Variants in TENM2 observed in about 807,000 individuals in gnomAD.
TENM2 encodes the protein teneurin transmembrane protein 2, also known as teneurin-2.
TENM2 carries 52 observed loss-of-function variants against 245.2 expected under a neutral mutation model. That is an observed-to-expected ratio of 0.21 (90% CI 0.17 to 0.27). The LOEUF (loss-of-function observed/expected upper bound fraction) is 0.27. TENM2 is among the 10% of genes least tolerant of loss of function. The pLI is 1.00. For synonymous variants in TENM2, 1,363 were observed against 1,438.9 expected, an observed-to-expected ratio of 0.95 and a Z score of 1.19; for missense variants, 3,046 against 3,666.8, an observed-to-expected ratio of 0.83 and a Z score of 4.37.
At chr5:168,214,382 A>G (rs1763015745) in intron 20 of TENM2, among the ~76,000 whole-genome samples, 2 of 152,220 alleles carry the variant, frequency 1.3e-5, no homozygotes, top group South Asian at 4.1e-4. Flanking sequence ...ACTGTTACCT[A>G]GATTTGAAAA....
chr5:167,554,332 C>T (rs897832387), intron 2 of TENM2, among the ~76,000 whole-genome samples: 2 of 152,188 alleles, frequency 1.3e-5, no homozygotes, highest in African/African-American at 4.8e-5. Flanking sequence ...CTTGGAAAGA[C>T]TTGAGCATAT....
chr5:167,211,001 A>G, the TENM2 span, among the ~76,000 whole-genome samples: 1 of 152,166 alleles, frequency 6.6e-6, no homozygotes, highest in African/African-American at 2.4e-5. Flanking sequence ...GAAGTGATGG[A>G]CGCACAAATA....
intron 2 of TENM2, among the ~76,000 whole-genome samples, chr5:167,577,971 G>C (rs2127674736): frequency 6.6e-6 from 1 of 152,330 alleles, no homozygotes; most frequent in South Asian, 2.1e-4. Context: ...GGGGTGAAAT[G>C]TGAAAACACA....
At chr5:167,786,237 C>G (rs558296506) in intron 2 of TENM2, among the ~76,000 whole-genome samples, 1 of 152,298 alleles carries the variant, frequency 6.6e-6, no homozygotes, top group Admixed American at 6.5e-5. Flanking sequence ...ACAGGATTCT[C>G]TCTCTCACAA....
the TENM2 span, among the ~76,000 whole-genome samples, chr5:167,047,955 A>AAAC: frequency 6.6e-6 from 1 of 151,502 alleles, no homozygotes; most frequent in African/African-American, 2.4e-5. Context: ...CCCTATAGCA[A>AAAC]AAACAAACAA....
chr5:168,032,487 G>A (rs2151958981), intron 5 of TENM2, among the ~76,000 whole-genome samples: 1 of 152,260 alleles, frequency 6.6e-6, no homozygotes, highest in East Asian at 1.9e-4. Context: ...AGGGGAGGAG[G>A]TTAGGACTCT....
chr5:167,850,950 G>A (rs1770525141), intron 2 of TENM2, among the ~76,000 whole-genome samples: 1 of 152,142 alleles, frequency 6.6e-6, no homozygotes, highest in South Asian at 2.1e-4. Flanking sequence ...GTTCATTCAC[G>A]AAGCTGTAAT....
chr5:167,911,128 T>C (rs1776511558), intron 3 of TENM2, among the ~76,000 whole-genome samples: 1 of 152,188 alleles, frequency 6.6e-6, no homozygotes, highest in South Asian at 2.1e-4. Flanking sequence ...AATCATATCA[T>C]GTTTTACTTG....
the TENM2 span, among the ~76,000 whole-genome samples, chr5:167,179,525 C>T: frequency 6.6e-6 from 1 of 152,094 alleles, no homozygotes; most frequent in African/African-American, 2.4e-5. Flanking sequence ...ACACTGTAGG[C>T]ATTTTTCCCC....
intron 27 of TENM2, among the ~76,000 whole-genome samples, chr5:168,254,948 G>A (rs1037093506): frequency 6.6e-6 from 1 of 151,996 alleles, no homozygotes; most frequent in African/African-American, 2.4e-5. Context: ...TAGAGAAGCT[G>A]AGGCAGGAGA....
chr5:167,648,904 G>A (rs1780153463), intron 2 of TENM2, among the ~76,000 whole-genome samples: 1 of 152,122 alleles, frequency 6.6e-6, no homozygotes, highest in Non-Finnish European at 1.5e-5. Flanking sequence ...AAATGAGAAG[G>A]GCTCGGTCTG....
chr5:168,068,313 G>A (rs1790681393), intron 7 of TENM2, among the ~76,000 whole-genome samples: 2 of 152,098 alleles, frequency 1.3e-5, no homozygotes, highest in South Asian at 2.1e-4. Context: ...GAGTTCAGAC[G>A]GGCAGCACCA....
At chr5:167,577,151 A>G (rs1022671193) in intron 2 of TENM2, among the ~76,000 whole-genome samples, 3 of 152,174 alleles carry the variant, frequency 2.0e-5, no homozygotes, top group Admixed American at 6.5e-5. Context: ...AACTGATGCA[A>G]TTTCAGGACC....
At chr5:167,893,111 A>G (rs1030276624) in intron 3 of TENM2, among the ~76,000 whole-genome samples, 3 of 152,146 alleles carry the variant, frequency 2.0e-5, no homozygotes, top group East Asian at 1.9e-4. Flanking sequence ...TTTATTCTTC[A>G]TCGGCACCTC....
At chr5:167,046,444 TTACCATCCAAAAA>T in the TENM2 span, among the ~76,000 whole-genome samples, 1 of 152,164 alleles carries the variant, frequency 6.6e-6, no homozygotes, top group Admixed American at 6.5e-5. Flanking sequence ...TTACTGAAAA[TTACCATCCAAAAA>T]TGGAACGGGA....
chr5:167,988,593 C>T (rs914114293), intron 4 of TENM2, among the ~76,000 whole-genome samples: 21 of 152,086 alleles, frequency 1.4e-4, no homozygotes, highest in African/African-American at 4.3e-4. Context: ...TGCAAAGGCC[C>T]GGAGGCAAGA....
intron 2 of TENM2, among the ~76,000 whole-genome samples, chr5:167,425,558 A>C (rs1359396329): frequency 1.3e-5 from 2 of 152,092 alleles, no homozygotes; most frequent in Non-Finnish European, 2.9e-5. Context: ...GCATTCTTGT[A>C]TTTTCCTCTT....
chr5:167,764,220 C>A (rs969647819), intron 2 of TENM2, among the ~76,000 whole-genome samples: 1 of 152,134 alleles, frequency 6.6e-6, no homozygotes, highest in East Asian at 1.9e-4. Context: ...AAGCTACATG[C>A]TGCTATCCAT....
chr5:167,061,847 CAG>C, the TENM2 span, among the ~76,000 whole-genome samples: 1 of 150,062 alleles, frequency 6.7e-6, no homozygotes, highest in African/African-American at 2.5e-5. Context: ...GTGTTACAGT[CAG>C]GGGTAGAAGC....
Sources: allele counts gnomAD v4.1 joint callset (sites outside exome capture counted in the v4.1 genomes callset), GRCh38; gene constraint gnomAD v4.1.1; transcripts MANE v1.5; gene names NCBI Gene and HGNC (gene_info 2026-07-23, HGNC 2026-07-21).